ANO10: variants seen among roughly 807,000 people sequenced by gnomAD.
ANO10 encodes the protein anoctamin 10.
ANO10 carries 77 observed loss-of-function variants against 74.7 expected under a neutral mutation model. The ratio of observed to expected loss-of-function variants is 1.03; its 90% CI spans 0.86 to 1.25. ANO10 has a LOEUF of 1.25. Ranked by LOEUF, ANO10 falls within the 50% of genes most tolerant of loss-of-function variation. The pLI is 0.00. For synonymous variants in ANO10, 279 were observed against 284.9 expected (o/e 0.98, Z 0.21); for missense variants, 721 against 778.1 (o/e 0.93, Z 0.87).
At chr3:43,552,071 T>C (rs907117473) in intron 10 of ANO10, among the ~76,000 whole-genome samples, 4 of 152,266 alleles carry the variant, frequency 2.6e-5, no homozygotes, top group African/African-American at 9.6e-5. Context: ...TTATCTATAA[T>C]GTTCCTGAGT....
chr3:43,416,704 A>T (rs2092743916), intron 12 of ANO10, among the ~76,000 whole-genome samples: 1 of 152,214 alleles, frequency 6.6e-6, no homozygotes, highest in Non-Finnish European at 1.5e-5. Context: ...CACCCAGAAA[A>T]CATGACATAG....
intron 1 of ANO10, among the ~76,000 whole-genome samples, chr3:43,618,306 G>T (rs760774017): frequency 6.6e-6 from 1 of 152,086 alleles, no homozygotes; most frequent in Non-Finnish European, 1.5e-5. Flanking sequence ...AGCCCAGGCC[G>T]GATTAGATGC....
intron 11 of ANO10, among the ~76,000 whole-genome samples, chr3:43,526,509 C>T (rs991844459): frequency 6.6e-6 from 1 of 151,926 alleles, no homozygotes; most frequent in Admixed American, 6.6e-5. Context: ...CATCCTGAGA[C>T]GATTGAAAAT....
intron 1 of ANO10, among the ~76,000 whole-genome samples, chr3:43,674,538 C>G (rs1231498612): frequency 1.3e-5 from 2 of 152,144 alleles, no homozygotes; most frequent in Non-Finnish European, 2.9e-5. Flanking sequence ...ATGACCTCAT[C>G]ATTCTCAACA....
intron 4 of ANO10, among the ~76,000 whole-genome samples, chr3:43,596,563 T>C (rs532025149): frequency 1.3e-5 from 2 of 152,218 alleles, no homozygotes; most frequent in East Asian, 1.9e-4. Context: ...CAGCCATATA[T>C]AGAAAGCTGA....
At chr3:43,652,704 T>C (rs900462967) in intron 1 of ANO10, among the ~76,000 whole-genome samples, 7 of 152,128 alleles carry the variant, frequency 4.6e-5, no homozygotes, top group African/African-American at 1.7e-4. Context: ...TAGAAGAAAG[T>C]ATAGTTGAAT....
At chr3:43,553,087 C>T (rs1243102299) in intron 10 of ANO10, among the ~76,000 whole-genome samples, 1 of 152,112 alleles carries the variant, frequency 6.6e-6, no homozygotes, top group Non-Finnish European at 1.5e-5. Flanking sequence ...AGCCGCTGCA[C>T]CCAGCCAGGA....
intron 3 of ANO10, among the ~76,000 whole-genome samples, chr3:43,599,897 C>T (rs1391070255): frequency 1.3e-5 from 2 of 149,586 alleles, no homozygotes; most frequent in Non-Finnish European, 3.0e-5. Flanking sequence ...CAGAGCGAGA[C>T]TCTGTCTCAA....
chr3:43,689,023 G>C (rs1257570121), intron 1 of ANO10, among the ~76,000 whole-genome samples: 2 of 152,126 alleles, frequency 1.3e-5, no homozygotes, highest in African/African-American at 4.8e-5. Flanking sequence ...GACTAGAGCA[G>C]GAGCAAGAGA....
At chr3:43,691,350 A>C in intron 1 of ANO10, 1 of 225,658 alleles carries the variant, frequency 4.4e-6, no homozygotes, top group Non-Finnish European at 8.6e-6. Flanking sequence ...CGGGCCGGCG[A>C]CGGAGCTGGC....
At chr3:43,594,757 A>T (rs2149462327) in intron 4 of ANO10, among the ~76,000 whole-genome samples, 1 of 152,352 alleles carries the variant, frequency 6.6e-6, no homozygotes, top group South Asian at 2.1e-4. Context: ...AGAAATAACT[A>T]AGATCAGAGC....
chr3:43,485,280 C>T, intron 11 of ANO10: 1 of 600,574 alleles, frequency 1.7e-6, no homozygotes, highest in Non-Finnish European at 3.0e-6. Flanking sequence ...CCGCCCTTTG[C>T]CACCGTCGCA....
chr3:43,611,425 TACAA>T (rs1437972135), intron 1 of ANO10, among the ~76,000 whole-genome samples: 1 of 152,254 alleles, frequency 6.6e-6, no homozygotes, highest in East Asian at 1.9e-4. Flanking sequence ...ATTAATAGTA[TACAA>T]TCCCTCTGTC....
At chr3:43,398,321 AATTTG>A in intron 12 of ANO10, among the ~76,000 whole-genome samples, 2 of 152,380 alleles carry the variant, frequency 1.3e-5, no homozygotes, top group Admixed American at 1.3e-4. Context: ...AATGTAGATT[AATTTG>A]AAGTTTTAGA....
At chr3:43,368,255 T>TTTTG (rs1474176816) in intron 12 of ANO10, among the ~76,000 whole-genome samples, 1 of 152,174 alleles carries the variant, frequency 6.6e-6, no homozygotes, top group Non-Finnish European at 1.5e-5. Flanking sequence ...GAAAGGGGGC[T>TTTTG]ACGGAGAGTC....
intron 5 of ANO10, 77 bp from the exon 6 acceptor site, chr3:43,577,338 A>C: frequency 7.1e-7 from 1 of 1,412,848 alleles, no homozygotes; most frequent in Non-Finnish European, 9.8e-7. Context: ...ACGCTTATTC[A>C]TTTTTTAGTT....
intron 11 of ANO10, among the ~76,000 whole-genome samples, chr3:43,497,727 T>C (rs1333916958): frequency 6.6e-6 from 1 of 152,096 alleles, no homozygotes; most frequent in Non-Finnish European, 1.5e-5. Flanking sequence ...GTGGTTTGCA[T>C]GGGGGAGGGA....
intron 1 of ANO10, among the ~76,000 whole-genome samples, chr3:43,680,050 C>T (rs1048405043): frequency 1.3e-5 from 2 of 152,196 alleles, no homozygotes; most frequent in African/African-American, 4.8e-5. Context: ...CAAAGGAACA[C>T]AGCTCCTCAC....
intron 1 of ANO10, among the ~76,000 whole-genome samples, chr3:43,683,816 A>G (rs1379355796): frequency 2.6e-5 from 4 of 152,196 alleles, no homozygotes; most frequent in Non-Finnish European, 5.9e-5. Flanking sequence ...CCTGACAAAA[A>G]CAAGAAATGG....
Sources: gnomAD v4.1 joint callset for allele counts (sites outside exome capture counted in the v4.1 genomes callset) on GRCh38, gnomAD v4.1.1 for gene constraint, MANE v1.5 for transcripts, NCBI Gene and HGNC (gene_info 2026-07-23, HGNC 2026-07-21) for gene names.